The following GPC6 variants were observed in gnomAD, a reference collection of about 807,000 sequenced individuals.
The protein encoded by GPC6 is glypican-6.
In GPC6, 14 loss-of-function variants were observed where a neutral mutation model predicts 55.2. The ratio of observed to expected loss-of-function variants is 0.25; its 90% CI spans 0.17 to 0.40. The LOEUF (loss-of-function observed/expected upper bound fraction) is 0.40, where lower values mean the gene tolerates loss of function less well. GPC6 is among the 10% of genes least tolerant of loss of function. GPC6 has a pLI of 1.00. For synonymous variants in GPC6, 278 were observed against 259.6 expected, an observed-to-expected ratio of 1.07 and a Z score of -0.68; for missense variants, 641 against 708.5, an observed-to-expected ratio of 0.90 and a Z score of 1.08.
intron 5 of GPC6, among the ~76,000 whole-genome samples, chr13:94,298,649 T>C (rs186831151): frequency 2.0e-5 from 3 of 152,350 alleles, no homozygotes; most frequent in African/African-American, 4.8e-5. Flanking sequence ...TCAAGCTCAC[T>C]GAGTGGCTAT....
chr13:93,642,032 A>G (rs34060538), intron 2 of GPC6, among the ~76,000 whole-genome samples: 1,548 of 152,118 alleles, frequency 0.01, 15 homozygotes, highest in Non-Finnish European at 0.013. Context: ...AATCAAGGGC[A>G]CCTGTAGGTT....
chr13:93,518,105 G>C (rs1335538500), intron 1 of GPC6, among the ~76,000 whole-genome samples: 2 of 151,826 alleles, frequency 1.3e-5, no homozygotes, highest in African/African-American at 4.8e-5. Context: ...TTTTGTTTGG[G>C]ATACAAAGTT....
chr13:94,216,537 C>A (rs1002444769), intron 4 of GPC6, among the ~76,000 whole-genome samples: 2 of 152,246 alleles, frequency 1.3e-5, no homozygotes, highest in East Asian at 1.9e-4. Flanking sequence ...TATGAGAATC[C>A]CAGTCTGAGA....
At chr13:94,208,753 C>CAAAAA (rs762261930) in intron 4 of GPC6, among the ~76,000 whole-genome samples, 11 of 36,238 alleles carry the variant, frequency 3.0e-4, no homozygotes, top group South Asian at 9.9e-4. Flanking sequence ...TCCCATCTCC[C>CAAAAA]AAAAAAAAAA....
intron 6 of GPC6, among the ~76,000 whole-genome samples, chr13:94,369,731 A>G (rs1383650205): frequency 2.0e-5 from 3 of 151,022 alleles, no homozygotes; most frequent in Non-Finnish European, 4.4e-5. Context: ...TGGGGGGATC[A>G]TCTGAGATCT....
intron 6 of GPC6, among the ~76,000 whole-genome samples, chr13:94,342,644 C>T (rs891733970): frequency 6.6e-6 from 1 of 152,130 alleles, no homozygotes; most frequent in South Asian, 2.1e-4. Context: ...CTGGCAGCCC[C>T]GGGAAACTAC....
rs990349588 is a variant in GPC6, at chr13:93,606,411, G to T, written c.319+60990G>T. On this transcript the variant is annotated intron_variant, in intron 2 of 8. Coordinates refer to ENST00000377047, the MANE Select transcript of GPC6 (RefSeq NM_005708.5). Reference sequence around the variant, plus strand: ...ATACAGGTAAGGAGGGCAATCATATGTTCACATTTTCCTGGGCAGTCATCT... The same window carrying T: ...ATACAGGTAAGGAGGGCAATCATATTTTCACATTTTCCTGGGCAGTCATCT... Among the ~76,000 whole-genome samples, 6 of 152,168 alleles carry T rather than the reference G, an allele frequency of 3.9e-5. No homozygotes were observed. The South Asian group carries it at 8.3e-4, about 21-fold the overall frequency.
At chr13:94,373,608 G>C (rs1250916590) in intron 6 of GPC6, among the ~76,000 whole-genome samples, 1 of 152,074 alleles carries the variant, frequency 6.6e-6, no homozygotes, top group Non-Finnish European at 1.5e-5. Flanking sequence ...TGAAAGTGAT[G>C]GGGAGAATGG....
intron 1 of GPC6, among the ~76,000 whole-genome samples, chr13:93,392,932 A>G (rs976390903): frequency 3.9e-5 from 6 of 151,920 alleles, no homozygotes; most frequent in Admixed American, 1.3e-4. Flanking sequence ...GCAAATATTG[A>G]TTGTTTTTCA....
chr13:94,126,999 T>C (rs1398944683), intron 4 of GPC6, among the ~76,000 whole-genome samples: 1 of 152,164 alleles, frequency 6.6e-6, no homozygotes, highest in Non-Finnish European at 1.5e-5. Flanking sequence ...CCTAAAATTA[T>C]ATTATCTCTT....
intron 1 of GPC6, among the ~76,000 whole-genome samples, chr13:93,509,451 G>C (rs1347501512): frequency 6.6e-6 from 1 of 152,140 alleles, no homozygotes; most frequent in Non-Finnish European, 1.5e-5. Flanking sequence ...CAAAGAAAGG[G>C]TACATCTTCA....
chr13:93,660,322 G>A (rs1442532980), intron 2 of GPC6, among the ~76,000 whole-genome samples: 1 of 152,030 alleles, frequency 6.6e-6, no homozygotes, highest in African/African-American at 2.4e-5. Flanking sequence ...CATGTTTTAA[G>A]GGCCTGTTGA....
intron 6 of GPC6, among the ~76,000 whole-genome samples, chr13:94,335,021 T>A (rs1331810349): frequency 6.6e-6 from 1 of 152,230 alleles, no homozygotes; most frequent in South Asian, 2.1e-4. Context: ...TAGAAGTACA[T>A]GCAGTTATTA....
intron 2 of GPC6, among the ~76,000 whole-genome samples, chr13:93,612,543 A>ACACACACACACACACACACAC (rs1566449513): frequency 3.4e-5 from 5 of 148,538 alleles, no homozygotes; most frequent in Non-Finnish European, 4.5e-5. Flanking sequence ...ACACACACAC[A>ACACACACACACACACACACAC]AACTTCATGT....
chr13:94,325,812 G>C (rs1005181653), intron 6 of GPC6, among the ~76,000 whole-genome samples: 1 of 152,204 alleles, frequency 6.6e-6, no homozygotes, highest in Admixed American at 6.5e-5. Flanking sequence ...GCTTTGAGCT[G>C]ACTCACGCCA....
chr13:93,308,601 C>G (rs1330524346), intron 1 of GPC6, among the ~76,000 whole-genome samples: 1 of 152,124 alleles, frequency 6.6e-6, no homozygotes, highest in Non-Finnish European at 1.5e-5. Context: ...ACCACCACAG[C>G]CAGCTAACTT....
At chr13:93,693,112 G>C (rs1382441987) in intron 2 of GPC6, among the ~76,000 whole-genome samples, 1 of 152,098 alleles carries the variant, frequency 6.6e-6, no homozygotes, top group African/African-American at 2.4e-5. Context: ...TAGATTGTTA[G>C]CATCTTCAAG....
chr13:94,036,879 A>G (rs1883354967), intron 4 of GPC6, among the ~76,000 whole-genome samples: 1 of 151,956 alleles, frequency 6.6e-6, no homozygotes, highest in Non-Finnish European at 1.5e-5. Context: ...CAATCGTTCA[A>G]CTAAACAGCT....
chr13:93,227,304 G>A lies in GPC6; in HGVS notation c.-153G>A, dbSNP rs571139953. ...AAGTTTGCTGAGCGCAGTCCAGAGG[G>A]CTGCGCTGCTCGTCCCCTCGGCTGG... On this transcript the variant is annotated 5_prime_UTR_variant, in exon 1 of 9. Coordinates refer to ENST00000377047, the MANE Select transcript of GPC6 (RefSeq NM_005708.5). The surrounding 1 kb of genome is among the most constrained non-coding windows in gnomAD (Gnocchi z 4.3). The A allele has an allele frequency of 7.1e-6, 5 of 701,936 alleles. No individual in the cohort carries two copies. The Admixed American group carries it at 1.3e-4, about 18-fold the overall frequency. The allele number at this position is 701,936 out of a possible 1,614,324, so 43.5% of individuals were successfully genotyped here.
Sources: gnomAD v4.1 joint callset for allele counts (sites outside exome capture counted in the v4.1 genomes callset) on GRCh38, gnomAD v4.1.1 for gene constraint, Gnocchi (gnomAD v3.1) non-coding constraint, MANE v1.5 for transcripts, NCBI Gene and HGNC (gene_info 2026-07-23, HGNC 2026-07-21) for gene names.